Variants in RTKN2 observed in about 807,000 individuals in gnomAD.
RTKN2 encodes the protein rhotekin 2, also known as rhotekin-2.
Under a neutral mutation model 71.5 loss-of-function variants are expected in RTKN2, and 69 were observed. That is an observed-to-expected ratio of 0.96 (90% CI 0.79 to 1.18). The LOEUF (loss-of-function observed/expected upper bound fraction) is 1.18, where lower values mean the gene tolerates loss of function less well. Ranked by LOEUF, RTKN2 falls within the 50% of genes most tolerant of loss-of-function variation. The probability of loss-of-function intolerance (pLI) is 0.00; values close to 1 mark genes in which losing one functional copy is unlikely to be tolerated. For synonymous variants in RTKN2, 236 were observed against 236.5 expected, an observed-to-expected ratio of 1.00 and a Z score of 0.02; for missense variants, 724 against 719.7, an observed-to-expected ratio of 1.01 and a Z score of -0.07.
chr10:62,206,281 G>A (rs926481690), intron 9 of RTKN2, among the ~76,000 whole-genome samples: 5 of 152,128 alleles, frequency 3.3e-5, no homozygotes, highest in African/African-American at 1.2e-4. Context: ...TAGTAATAAA[G>A]GCTGATTAAG....
chr10:62,209,033 G>A (rs771639855), intron 9 of RTKN2, among the ~76,000 whole-genome samples: 1 of 152,206 alleles, frequency 6.6e-6, no homozygotes, highest in Non-Finnish European at 1.5e-5. Flanking sequence ...ACTTTGGGAG[G>A]AAGAGGCAGG....
At chr10:62,262,906 T>G (rs1842800803) in intron 1 of RTKN2, 85 bp from the exon 2 acceptor site, 3 of 733,144 alleles carry the variant, frequency 4.1e-6, no homozygotes, top group Non-Finnish European at 6.5e-6. Flanking sequence ...GGTATCATAA[T>G]TGTATACCAT....
At chr10:62,222,251 T>A (rs1006370845) in intron 7 of RTKN2, among the ~76,000 whole-genome samples, 2 of 151,812 alleles carry the variant, frequency 1.3e-5, no homozygotes, top group African/African-American at 4.8e-5. Flanking sequence ...TGGGATTACA[T>A]GCATGCACGA....
intron 1 of RTKN2, among the ~76,000 whole-genome samples, chr10:62,263,898 T>C (rs1015796708): frequency 1.3e-5 from 2 of 152,190 alleles, no homozygotes; most frequent in African/African-American, 4.8e-5. Flanking sequence ...ATTCTACATA[T>C]AAGTTTCACA....
chr10:62,199,056 C>T (rs1367262429), intron 11 of RTKN2, among the ~76,000 whole-genome samples: 4 of 152,164 alleles, frequency 2.6e-5, no homozygotes, highest in Non-Finnish European at 5.9e-5. Flanking sequence ...AATAAAAGAA[C>T]AGAGATAAAT....
In RTKN2 at chr10:62,195,073, C is replaced by A. The variant is rs762305306; in HGVS notation, c.*2835G>T. 30 of 984,130 alleles carry A rather than the reference C, an allele frequency of 3.0e-5. No individual in the cohort carries two copies. The highest frequency in any genetic ancestry group is 3.6e-5 in the Non-Finnish European group (30 of 828,928). The allele number at this position is 984,130 out of a possible 1,614,324, so 61.0% of individuals were successfully genotyped here. ...GCAAGATATTAAAATACAAAAGTTA[C>A]CACTTAGTAGCAATTAAAAATAATA... On this transcript the variant is annotated 3_prime_UTR_variant, in exon 12 of 12. Transcript: ENST00000373789.
chr10:62,196,817 AT>A lies in RTKN2; in HGVS notation c.*1090del. On this transcript the variant is annotated 3_prime_UTR_variant, in exon 12 of 12. Transcript: ENST00000373789. ...CAAAAAGCATTATTATAAAAAATGG[AT>A]TTTTTGTTCCTTTAAGGTATTTTTC... is the stretch of plus-strand genomic sequence containing the variant. 1 of 976,708 alleles carries A rather than the reference AT, an allele frequency of 1.0e-6. No individual in the cohort carries two copies. The highest frequency in any genetic ancestry group is 1.2e-6 in the Non-Finnish European group (1 of 822,102). The allele number at this position is 976,708 out of a possible 1,614,324, so 60.5% of individuals were successfully genotyped here. A position where few individuals can be genotyped will look rare whatever the true frequency, so the allele number is the denominator to read the frequency against.
chr10:62,203,435 C>A (rs1006671849), intron 10 of RTKN2, among the ~76,000 whole-genome samples: 1 of 151,888 alleles, frequency 6.6e-6, no homozygotes, highest in Non-Finnish European at 1.5e-5. Flanking sequence ...ACCTCCACCT[C>A]CTGGCTTCAA....
chr10:62,186,352 A>C (rs1841136484), intron 8 of RTKN2, among the ~76,000 whole-genome samples: 1 of 152,266 alleles, frequency 6.6e-6, no homozygotes, highest in Non-Finnish European at 1.5e-5. Context: ...AAGAAAGGTG[A>C]GTTAAACTGG....
intron 7 of RTKN2, 107 bp from the exon 8 acceptor site, chr10:62,218,408 A>T: frequency 1.4e-6 from 1 of 692,788 alleles, no homozygotes; most frequent in East Asian, 2.8e-5. Context: ...TTTGCTTTGT[A>T]CAGAACATAT....
rs1367038192 is a variant in RTKN2, at chr10:62,194,114, C to CAA, written c.*3792_*3793dup. On this transcript the variant is annotated 3_prime_UTR_variant, in exon 12 of 12. Transcript: ENST00000373789. ...GTCCATGATATAATACTTTTTAATC[C>CAA]AAAAGTCTGACCCATATTAAAAAAT... 2 of 979,476 alleles carry CAA rather than the reference C, an allele frequency of 2.0e-6. No individual in the cohort carries two copies. The highest frequency in any genetic ancestry group is 3.5e-5 in the African/African-American group (2 of 57,038). 60.7% of individuals were successfully genotyped at this position (979,476 alleles called of 1,614,324 possible).
At chr10:62,254,146 T>C (rs1225310246) in intron 2 of RTKN2, among the ~76,000 whole-genome samples, 2 of 152,176 alleles carry the variant, frequency 1.3e-5, no homozygotes, top group East Asian at 3.8e-4. Context: ...TTCATTGATA[T>C]GGTTTGGCTC....
rs148879151 is a variant in RTKN2 at position 62,236,205 on chromosome 10, C to A, written c.547G>T (p.Glu183Ter). ...TTTGGTGTGTTGGTTATAGAAGATTCTTCTGTACAGCAACTATACACTTCC... is the reference window on the plus strand; with the variant it reads ...TTTGGTGTGTTGGTTATAGAAGATTATTCTGTACAGCAACTATACACTTCC... ...KVEVYSCCTEESSITNTPKKL... is the reference protein window; with the variant it reads ...KVEVYSCCTE Residue 183 changes from glutamate (E) to a stop codon, truncating the protein, a stop_gained, in exon 6 of 12, where the codon GAA becomes TAA. Coordinates refer to ENST00000373789, the MANE Select transcript of RTKN2 (RefSeq NM_145307.4). LOFTEE classifies it high-confidence loss of function. 4 of 1,611,994 alleles carry A rather than the reference C, an allele frequency of 2.5e-6. No individual in the cohort carries two copies. The highest frequency in any genetic ancestry group is 3.4e-6 in the Non-Finnish European group (4 of 1,178,688).
chr10:62,223,095 G>A, intron 7 of RTKN2, 143 bp downstream of exon 7: 1 of 495,642 alleles, frequency 2.0e-6, no homozygotes, highest in Non-Finnish European at 3.6e-6. Context: ...CTCCTTTGGG[G>A]AAGAGGGACA....
In RTKN2 at chr10:62,262,673, G is replaced by A. The variant is rs138538612; in HGVS notation, c.209C>T (p.Ser70Leu). ...VCNARLMAYT[S>L]ELQKLEEQIA... ...CTGTTCTTCTAATTTCTGTAGCTCC[G>A]ATGTATAGGCCATTAGTCGAGCATT... The change falls in exon 2 of 12, where the codon TCG becomes TTG. Residue 70 changes from serine to leucine, a missense_variant. Coordinates refer to ENST00000373789, the MANE Select transcript of RTKN2 (RefSeq NM_145307.4). The A allele has an allele frequency of 6.3e-5, 102 of 1,612,100 alleles. No homozygotes were observed. The highest frequency in any genetic ancestry group is 1.5e-4 in the Admixed American group (9 of 59,860).
chr10:62,268,100 C>T (rs1427670124), intron 1 of RTKN2, among the ~76,000 whole-genome samples: 1 of 152,206 alleles, frequency 6.6e-6, no homozygotes, highest in Non-Finnish European at 1.5e-5. Context: ...CTCCGAACCC[C>T]CTCCCCCCAA....
At chr10:62,225,108 A>C (rs1448486172) in intron 6 of RTKN2, among the ~76,000 whole-genome samples, 1 of 152,200 alleles carries the variant, frequency 6.6e-6, no homozygotes, top group African/African-American at 2.4e-5. Context: ...GGACCTGAAC[A>C]AACACTAGCA....
At chr10:62,203,812 C>T (rs1479773030) in intron 10 of RTKN2, among the ~76,000 whole-genome samples, 1 of 152,190 alleles carries the variant, frequency 6.6e-6, no homozygotes, top group Admixed American at 6.5e-5. Flanking sequence ...GAAACCTCTT[C>T]AGGCCTAAGT....
At chr10:62,243,961 GTAAATACTACATTTACA>G (rs1458338727) in intron 3 of RTKN2, among the ~76,000 whole-genome samples, 2 of 152,056 alleles carry the variant, frequency 1.3e-5, no homozygotes, top group Admixed American at 1.3e-4. Context: ...TATAATTACG[GTAAATACTACATTTACA>G]TATGGTAAAT....
Sources: gnomAD v4.1 joint callset for allele counts (sites outside exome capture counted in the v4.1 genomes callset) on GRCh38, gnomAD v4.1.1 for gene constraint, MANE v1.5 for transcripts, NCBI Gene and HGNC (gene_info 2026-07-23, HGNC 2026-07-21) for gene names.